Variants in CELF5 observed in about 807,000 individuals in gnomAD.
The protein encoded by CELF5 is CUG-BP and ETR-3 like factor 5.
In CELF5, 6 loss-of-function variants were observed where a neutral mutation model predicts 54.9. The ratio of observed to expected loss-of-function variants is 0.11; its 90% CI spans 0.06 to 0.22. The LOEUF is 0.22. CELF5 is among the 10% of genes least tolerant of loss of function. The pLI is 1.00. For missense variants in CELF5, 401 were observed against 678.6 expected, an observed-to-expected ratio of 0.59 and a Z score of 4.54; for synonymous variants, 271 against 290.9, an observed-to-expected ratio of 0.93 and a Z score of 0.70.
chr19:3,291,432 G>C (rs1226146324), intron 11 of CELF5, among the ~76,000 whole-genome samples: 4 of 151,934 alleles, frequency 2.6e-5, no homozygotes, highest in East Asian at 1.9e-4. Context: ...CGGGCATGGT[G>C]GTGGGTGCCT....
chr19:3,265,603 T>C (rs1191444702), intron 2 of CELF5, among the ~76,000 whole-genome samples: 1 of 152,012 alleles, frequency 6.6e-6, no homozygotes, highest in African/African-American at 2.4e-5. Context: ...ACAAACGCCA[T>C]GGCAATGTCA....
At chr19:3,279,083 T>G (rs913714404) in intron 5 of CELF5, among the ~76,000 whole-genome samples, 1 of 152,032 alleles carries the variant, frequency 6.6e-6, no homozygotes, top group African/African-American at 2.4e-5. Flanking sequence ...GGTGCAAGAC[T>G]AGAGGCTGGG....
rs1555720291 is a variant in CELF5 at position 3,251,672 on chromosome 19, T to TTTG, written c.342+624_342+626dup. Among the ~76,000 whole-genome samples, 174 of 121,326 alleles carry TTTG rather than the reference T, an allele frequency of 1.4e-3. 7 individuals carry two copies. Among genetic ancestry groups the TTTG allele is most frequent in the Middle Eastern group, 4.8e-3 (1 of 210 alleles). The allele number at this position is 121,326 out of a possible 152,430, so 79.6% of individuals were successfully genotyped here. ...GGCTTCTTTTTTTTTTTTTTTTTTT[T>TTTG]TTGTTGTTGTTGTTGTTGTTGAGAT... On this transcript the variant is annotated intron_variant, in intron 2 of 12. Coordinates refer to ENST00000292672, the MANE Select transcript of CELF5 (RefSeq NM_021938.4).
chr19:3,264,993 C>T (rs2145196124), intron 2 of CELF5, among the ~76,000 whole-genome samples: 1 of 152,252 alleles, frequency 6.6e-6, no homozygotes, highest in Non-Finnish European at 1.5e-5. Flanking sequence ...GGATTACAGG[C>T]ACGAGCCACT....
chr19:3,242,396 T>C (rs1034268127), intron 1 of CELF5, among the ~76,000 whole-genome samples: 1 of 151,280 alleles, frequency 6.6e-6, no homozygotes, highest in African/African-American at 2.4e-5. Flanking sequence ...ATTGGCTGGG[T>C]GCAGTGACTC....
chr19:3,291,610 A>G (rs1274429361), intron 11 of CELF5, among the ~76,000 whole-genome samples: 7 of 147,162 alleles, frequency 4.8e-5, no homozygotes, highest in Non-Finnish European at 8.9e-5. Flanking sequence ...CTGAATGAGG[A>G]GCACCAGGCA....
At chr19:3,269,081 G>A (rs1333048854) in intron 2 of CELF5, among the ~76,000 whole-genome samples, 2 of 152,086 alleles carry the variant, frequency 1.3e-5, no homozygotes, top group East Asian at 3.9e-4. Flanking sequence ...GGTGGGAGGG[G>A]AGGAAGGTCA....
chr19:3,281,826 A>G lies in CELF5; in HGVS notation c.751-300A>G, dbSNP rs1040119207. Among the ~76,000 whole-genome samples the G allele has an allele frequency of 6.6e-6, 1 of 151,332 alleles. No homozygotes were observed. The highest frequency in any genetic ancestry group is 1.5e-5 in the Non-Finnish European group (1 of 67,842). ...GAGCCTTGATCCTAGATTGAGCCTT[A>G]GTCCCAGGCTGAGCCTCGCTTTTCT... On this transcript the variant is annotated intron_variant, in intron 6 of 12. Transcript: ENST00000292672. The surrounding 1 kb of genome is among the most constrained non-coding windows in gnomAD (Gnocchi z 6.5).
At chr19:3,235,625 G>C (rs1158092059) in intron 1 of CELF5, among the ~76,000 whole-genome samples, 1 of 148,430 alleles carries the variant, frequency 6.7e-6, no homozygotes, top group African/African-American at 2.5e-5. Flanking sequence ...TGAATAGGTG[G>C]GTGGGTGGAT....
intron 2 of CELF5, among the ~76,000 whole-genome samples, chr19:3,255,867 C>G (rs2079717352): frequency 6.6e-6 from 1 of 152,006 alleles, no homozygotes; most frequent in Non-Finnish European, 1.5e-5. Context: ...GAGTTCGAGA[C>G]CAGCCTGGCC....
At chr19:3,256,693 C>T (rs1568342364) in intron 2 of CELF5, among the ~76,000 whole-genome samples, 3 of 151,408 alleles carry the variant, frequency 2.0e-5, no homozygotes, top group Admixed American at 6.6e-5. Flanking sequence ...CTCAGCCTCC[C>T]GAGTAGCTGG....
chr19:3,286,705 C>T (rs1192513729), intron 10 of CELF5: 5 of 137,444 alleles, frequency 3.6e-5, no homozygotes, highest in Non-Finnish European at 7.6e-5. Flanking sequence ...GGACTCCAGC[C>T]TGGGTGAGAG....
At chr19:3,231,731 G>C (rs1490724410) in intron 1 of CELF5, among the ~76,000 whole-genome samples, 2 of 130,954 alleles carry the variant, frequency 1.5e-5, no homozygotes, top group African/African-American at 5.8e-5. Context: ...TGGATGATGG[G>C]GGAGCGATGG....
At chr19:3,254,314 C>G (rs949516899) in intron 2 of CELF5, among the ~76,000 whole-genome samples, 1 of 151,882 alleles carries the variant, frequency 6.6e-6, no homozygotes, top group Admixed American at 6.6e-5. Flanking sequence ...CATGTGTCTA[C>G]ATGCCTGCCT....
chr19:3,257,026 C>A (rs1264522908), intron 2 of CELF5, among the ~76,000 whole-genome samples: 3 of 152,134 alleles, frequency 2.0e-5, no homozygotes, highest in Non-Finnish European at 4.4e-5. Flanking sequence ...CCAGGCCCGT[C>A]CCGAACTCCT....
intron 12 of CELF5, chr19:3,294,449 T>C (rs1416154822): frequency 6.6e-6 from 1 of 151,584 alleles, no homozygotes; most frequent in Non-Finnish European, 1.5e-5. Context: ...GTCATCAGAG[T>C]CTCGCCTAGG....
At chr19:3,241,614 C>T (rs983803962) in intron 1 of CELF5, among the ~76,000 whole-genome samples, 4 of 151,674 alleles carry the variant, frequency 2.6e-5, no homozygotes, top group Non-Finnish European at 4.4e-5. Context: ...GCTCACCTGG[C>T]GTGGGTGGGG....
chr19:3,278,286 T>A lies in CELF5; in HGVS notation c.603+176T>A, dbSNP rs956397371. 2.6e-5 allele frequency among the ~76,000 whole-genome samples: 4 copies of A among 152,096 alleles called. No homozygotes were observed. The highest frequency in any genetic ancestry group is 4.4e-5 in the Non-Finnish European group (3 of 68,036). ...CCCTGGCTGTGGTCCCTGGAGTGGG[T>A]ATACACGTGTGAGTGTGTGCAGATG... On this transcript the variant is annotated intron_variant, in intron 5 of 12. Transcript: ENST00000292672. The surrounding 1 kb of genome is among the most constrained non-coding windows in gnomAD (Gnocchi z 4.5).
In CELF5 at chr19:3,284,921, C is replaced by T; in HGVS notation, c.1059C>T (p.Ala353=). The T allele has an allele frequency of 2.5e-6, 4 of 1,613,134 alleles. No individual in the cohort carries two copies. The highest frequency in any genetic ancestry group is 1.1e-5 in the South Asian group (1 of 90,982). The part of the protein sequence containing the change: ...VPYPAQSPTV[A]ETLHPAFSGV... Reference sequence around the variant, plus strand: ...CCGCAGCTCAGAGCCCGACTGTGGCCGAGACACTGCATCCTGCCTTCTCCG... The same window carrying T: ...CCGCAGCTCAGAGCCCGACTGTGGCTGAGACACTGCATCCTGCCTTCTCCG... The change falls in exon 9 of 13, where the codon GCC becomes GCT. Residue 353 remains alanine (A), a synonymous_variant. Coordinates refer to ENST00000292672, the MANE Select transcript of CELF5 (RefSeq NM_021938.4).
Sources: gnomAD v4.1 joint callset for allele counts (sites outside exome capture counted in the v4.1 genomes callset) on GRCh38, gnomAD v4.1.1 for gene constraint, Gnocchi (gnomAD v3.1) non-coding constraint, MANE v1.5 for transcripts, NCBI Gene and HGNC (gene_info 2026-07-23, HGNC 2026-07-21) for gene names.